ABCA12: variants seen among roughly 807,000 people sequenced by gnomAD.
ABCA12 encodes ATP binding cassette subfamily A member 12, also known as glucosylceramide transporter ABCA12.
ABCA12 carries 156 observed loss-of-function variants against 293.5 expected under a neutral mutation model. The ratio of observed to expected loss-of-function variants is 0.53; its 90% CI spans 0.47 to 0.61. ABCA12 has a LOEUF of 0.61. Ranked by LOEUF, ABCA12 falls within the 20% of genes least tolerant of loss-of-function variation. The probability of loss-of-function intolerance (pLI) is 0.00; values close to 1 mark genes in which losing one functional copy is unlikely to be tolerated. For missense variants in ABCA12, 2,797 were observed against 3,090.2 expected, an observed-to-expected ratio of 0.91 and a Z score of 2.25; for synonymous variants, 1,063 against 1,108.0, an observed-to-expected ratio of 0.96 and a Z score of 0.81.
chr2:215,038,361 G>T (rs1444064223), intron 7 of ABCA12, among the ~76,000 whole-genome samples: 5 of 152,092 alleles, frequency 3.3e-5, no homozygotes, highest in African/African-American at 4.8e-5. Flanking sequence ...TACAGCTGGG[G>T]TCTCTCTATT....
intron 19 of ABCA12, among the ~76,000 whole-genome samples, 168 bp downstream of exon 19, chr2:215,007,559 A>C (rs989741093): frequency 5.9e-5 from 9 of 152,240 alleles, no homozygotes; most frequent in African/African-American, 1.9e-4. Flanking sequence ...CCAATTATGA[A>C]TATGAGTGAT....
Position 214,932,220 on chromosome 2 carries a change from T to G in ABCA12, c.*414A>C. On this transcript the variant is annotated 3_prime_UTR_variant, in exon 53 of 53. Coordinates refer to ENST00000272895, the MANE Select transcript of ABCA12 (RefSeq NM_173076.3). Reference sequence around the variant, plus strand: ...ATTCTGTTGTTTTCTGGAAATAAATTATGTTGTCTGCTTGCCCGGTGGCAC... The same window carrying G: ...ATTCTGTTGTTTTCTGGAAATAAATGATGTTGTCTGCTTGCCCGGTGGCAC... 4.1e-6 allele frequency: 1 copy of G among 243,770 alleles called. No homozygotes were observed. Among genetic ancestry groups the G allele is most frequent in the Non-Finnish European group, 8.1e-6 (1 of 123,748 alleles). 15.1% of individuals were successfully genotyped at this position (243,770 alleles called of 1,614,324 possible).
At position 214,947,523 on chromosome 2, in the gene ABCA12, TC is replaced by T. The variant is rs754001328; in HGVS notation, c.7137del (p.Met2380CysfsTer25). ...GAGGTAGCTCTGTCCTTGAAGGGCA[TC>T]AGGTGAAGTCTCCTAAGGAGTTTAT... The part of the protein sequence containing the change: ...TVHKLLRRLH[L>X]MPFKDRATSM... On this transcript the variant is annotated frameshift_variant, in exon 48 of 53. Coordinates refer to ENST00000272895, the MANE Select transcript of ABCA12 (RefSeq NM_173076.3). LOFTEE classifies it high-confidence loss of function. The T allele has an allele frequency of 2.5e-6, 4 of 1,613,880 alleles. No individual in the cohort carries two copies. Among genetic ancestry groups the T allele is most frequent in the Non-Finnish European group, 3.4e-6 (4 of 1,179,888 alleles).
chr2:215,088,338 C>T (rs78408063), intron 2 of ABCA12, among the ~76,000 whole-genome samples: 3,770 of 152,214 alleles, frequency 0.025, 66 homozygotes, highest in African/African-American at 0.049. Flanking sequence ...ATTGACAGAA[C>T]TTAGTGACTA....
intron 37 of ABCA12, 46 bp from the exon 38 acceptor site, chr2:214,968,853 CT>C: frequency 6.5e-7 from 1 of 1,547,036 alleles, no homozygotes; most frequent in South Asian, 1.1e-5. Flanking sequence ...TGGAGAAAAT[CT>C]TCTTAAATAG....
rs1307407348 is a variant in ABCA12 at position 215,019,408 on chromosome 2, T to C, written c.1585A>G (p.Ile529Val). 3 of 1,613,782 alleles carry C rather than the reference T, an allele frequency of 1.9e-6. No homozygotes were observed. The African/African-American group carries it at 4.0e-5, about 22-fold the overall frequency. ...QALQMNYLEN[I>V]TQLIPIIEAM... ...TCTATGATCGGTATTAACTGAGTGATATTTTCCAAGTAATTCATTTGCAGT... is the reference window on the plus strand; with the variant it reads ...TCTATGATCGGTATTAACTGAGTGACATTTTCCAAGTAATTCATTTGCAGT... The change falls in exon 13 of 53, where the codon ATC becomes GTC. Residue 529 changes from isoleucine to valine, a missense_variant. Transcript: ENST00000272895.
chr2:215,131,638 G>T (rs1703057653), intron 1 of ABCA12, among the ~76,000 whole-genome samples: 1 of 146,622 alleles, frequency 6.8e-6, no homozygotes, highest in Non-Finnish European at 1.5e-5. Flanking sequence ...AGTCTAGCTG[G>T]TGGTCTGTCA....
intron 2 of ABCA12, among the ~76,000 whole-genome samples, chr2:215,100,642 C>T (rs1702339313): frequency 6.6e-6 from 1 of 151,802 alleles, no homozygotes; most frequent in Admixed American, 6.6e-5. Context: ...ATATTATGGC[C>T]CATAATCTAT....
Position 214,989,187 on chromosome 2 carries a change from CATATATATAT to C in ABCA12, c.3829+132_3829+141del, listed in dbSNP as rs71399168. The C allele has an allele frequency of 8.5e-4, 24 of 28,150 alleles. 6 individuals are homozygous for C. In the South Asian group the frequency reaches 0.021, roughly 24 times the overall value. 1.7% of individuals were successfully genotyped at this position (28,150 alleles called of 1,614,324 possible). On this transcript the variant is annotated intron_variant, in intron 26 of 52. Coordinates refer to ENST00000272895, the MANE Select transcript of ABCA12 (RefSeq NM_173076.3). ...GAGGGAGACTCCATCTCAATACATA[CATATATATAT>C]ATATATATATATAATATTTTTATTT...
intron 2 of ABCA12, among the ~76,000 whole-genome samples, chr2:215,109,515 T>A (rs1702527994): frequency 6.6e-6 from 1 of 152,246 alleles, no homozygotes; most frequent in African/African-American, 2.4e-5. Flanking sequence ...AATTTTGTAC[T>A]GTCCTACTGA....
intron 2 of ABCA12, among the ~76,000 whole-genome samples, chr2:215,109,935 A>G (rs1702536945): frequency 6.6e-6 from 1 of 152,220 alleles, no homozygotes; most frequent in Non-Finnish European, 1.5e-5. Context: ...TAGTTAGCAT[A>G]TTAAACCAGA....
chr2:215,052,005 AG>A (rs982570005), intron 5 of ABCA12, among the ~76,000 whole-genome samples: 4 of 151,368 alleles, frequency 2.6e-5, no homozygotes, highest in Non-Finnish European at 5.9e-5. Context: ...GAAATCTTAA[AG>A]TAGATGATCT....
chr2:214,932,889 G>GTT (rs759005562), intron 52 of ABCA12, 148 bp from the exon 53 acceptor site: 5 of 675,000 alleles, frequency 7.4e-6, no homozygotes, highest in Non-Finnish European at 1.3e-5. Context: ...CCAAATCCTA[G>GTT]TTTTATACAT....
chr2:215,130,352 G>A (rs1177082793), intron 1 of ABCA12, among the ~76,000 whole-genome samples: 3 of 152,134 alleles, frequency 2.0e-5, no homozygotes, highest in South Asian at 2.1e-4. Context: ...TCCAACTCAT[G>A]AGCATGGAAT....
intron 2 of ABCA12, among the ~76,000 whole-genome samples, chr2:215,068,129 G>A (rs1701670427): frequency 6.6e-6 from 1 of 152,042 alleles, no homozygotes; most frequent in African/African-American, 2.4e-5. Flanking sequence ...TTGATCCTTG[G>A]ACCAACAACA....
At chr2:215,054,505 C>T in intron 4 of ABCA12, 68 bp downstream of exon 4, 1 of 1,314,286 alleles carries the variant, frequency 7.6e-7, no homozygotes, top group Non-Finnish European at 1.1e-6. Flanking sequence ...AAGTATAAAC[C>T]TTTCAAAGAT....
chr2:215,019,869 CAA>C, intron 11 of ABCA12, 73 bp from the exon 12 acceptor site: 1 of 1,544,968 alleles, frequency 6.5e-7, no homozygotes, highest in Non-Finnish European at 8.8e-7. Context: ...TGATAATAAG[CAA>C]CCACAATTGA....
intron 31 of ABCA12, among the ~76,000 whole-genome samples, chr2:214,980,221 G>A (rs182670477): frequency 4.1e-4 from 62 of 152,190 alleles, no homozygotes; most frequent in African/African-American, 1.2e-3. Flanking sequence ...CAACATCAGC[G>A]TCACCTGGGA....
chr2:215,127,686 T>A (rs1702957318), intron 1 of ABCA12, among the ~76,000 whole-genome samples: 1 of 152,162 alleles, frequency 6.6e-6, no homozygotes, highest in South Asian at 2.1e-4. Flanking sequence ...GTGTGACTCC[T>A]TTTGTGCTAG....
Sources: gnomAD v4.1 joint callset for allele counts (sites outside exome capture counted in the v4.1 genomes callset) on GRCh38, gnomAD v4.1.1 for gene constraint, MANE v1.5 for transcripts, NCBI Gene and HGNC (gene_info 2026-07-23, HGNC 2026-07-21) for gene names.